Variants in INPP4B observed in about 807,000 individuals in gnomAD.
INPP4B encodes the protein inositol polyphosphate 4-phosphatase type II.
In INPP4B, 55 loss-of-function variants were observed where a neutral mutation model predicts 122.5. That is an observed-to-expected ratio of 0.45 (90% CI 0.36 to 0.56). INPP4B has a LOEUF of 0.56. Ranked by LOEUF, INPP4B falls within the 20% of genes least tolerant of loss-of-function variation. INPP4B has a pLI of 0.00. For synonymous variants in INPP4B, 403 were observed against 388.7 expected, an observed-to-expected ratio of 1.04 and a Z score of -0.43; for missense variants, 1,000 against 1,097.7, an observed-to-expected ratio of 0.91 and a Z score of 1.26.
chr4:142,719,630 TTTC>T (rs1240494122), intron 2 of INPP4B, among the ~76,000 whole-genome samples: 10 of 152,102 alleles, frequency 6.6e-5, no homozygotes, highest in Admixed American at 1.3e-4. Context: ...AGCCTATAAT[TTTC>T]TTATTAATTT....
At chr4:142,587,754 G>A (rs1157548470) in intron 2 of INPP4B, among the ~76,000 whole-genome samples, 1 of 151,912 alleles carries the variant, frequency 6.6e-6, no homozygotes, top group Non-Finnish European at 1.5e-5. Context: ...CCCCTGTTGT[G>A]CTATCAAATA....
At chr4:142,349,080 C>T (rs1375338485) in intron 7 of INPP4B, among the ~76,000 whole-genome samples, 1 of 152,020 alleles carries the variant, frequency 6.6e-6, no homozygotes, top group East Asian at 1.9e-4. Flanking sequence ...GATACTGCTA[C>T]ATAGTCTGTT....
intron 2 of INPP4B, among the ~76,000 whole-genome samples, chr4:142,471,280 T>C (rs1372596739): frequency 1.3e-5 from 2 of 152,202 alleles, no homozygotes; most frequent in Non-Finnish European, 2.9e-5. Context: ...TTCATGTTTC[T>C]ACAGCTATAG....
chr4:142,482,759 A>C (rs1820720595), intron 2 of INPP4B, among the ~76,000 whole-genome samples: 1 of 152,076 alleles, frequency 6.6e-6, no homozygotes, highest in South Asian at 2.1e-4. Flanking sequence ...GACTTGGTCT[A>C]ATTCTCCATT....
At chr4:142,797,346 C>A (rs1777390648) in intron 1 of INPP4B, among the ~76,000 whole-genome samples, 1 of 151,904 alleles carries the variant, frequency 6.6e-6, no homozygotes, top group East Asian at 1.9e-4. Context: ...AACAAGAAAT[C>A]TGCTATATAA....
At chr4:142,240,915 G>T (rs1179341064) in intron 11 of INPP4B, among the ~76,000 whole-genome samples, 5 of 151,986 alleles carry the variant, frequency 3.3e-5, no homozygotes, top group Admixed American at 3.3e-4. Flanking sequence ...GGGAGGTTTT[G>T]TTATCGCACA....
chr4:142,538,743 A>C (rs1410898369), intron 2 of INPP4B, among the ~76,000 whole-genome samples: 1 of 152,206 alleles, frequency 6.6e-6, no homozygotes, highest in East Asian at 1.9e-4. Flanking sequence ...TTCATATTGC[A>C]GGCATGGATG....
chr4:142,695,116 G>A (rs1468629544), intron 2 of INPP4B, among the ~76,000 whole-genome samples: 3 of 151,918 alleles, frequency 2.0e-5, no homozygotes, highest in South Asian at 2.1e-4. Context: ...TTATTCCCAT[G>A]TAGTAAAATT....
chr4:142,651,576 G>C (rs1417043599), intron 2 of INPP4B, among the ~76,000 whole-genome samples: 1 of 152,194 alleles, frequency 6.6e-6, no homozygotes, highest in East Asian at 1.9e-4. Flanking sequence ...ACTACCATCA[G>C]AGAATACTGT....
intron 2 of INPP4B, among the ~76,000 whole-genome samples, chr4:142,572,611 G>C (rs1309666657): frequency 6.6e-6 from 1 of 152,060 alleles, no homozygotes; most frequent in Non-Finnish European, 1.5e-5. Context: ...TAAGGATTTA[G>C]TGATCCGAGA....
intron 2 of INPP4B, among the ~76,000 whole-genome samples, chr4:142,595,341 T>C (rs1330534559): frequency 6.6e-6 from 1 of 152,052 alleles, no homozygotes; most frequent in Non-Finnish European, 1.5e-5. Context: ...ATTCTACAGC[T>C]ACCAATTAAT....
intron 5 of INPP4B, among the ~76,000 whole-genome samples, chr4:142,421,514 T>C (rs1453819623): frequency 1.3e-5 from 2 of 151,468 alleles, no homozygotes; most frequent in Non-Finnish European, 2.9e-5. Context: ...TGTGTTCATT[T>C]AGAATTTTAA....
chr4:142,752,186 T>C (rs923491609), intron 1 of INPP4B, among the ~76,000 whole-genome samples: 1 of 151,998 alleles, frequency 6.6e-6, no homozygotes, highest in African/African-American at 2.4e-5. Context: ...AAGGTGAAGA[T>C]CAGTGAATCA....
At chr4:142,499,371 A>G (rs1179575678) in intron 2 of INPP4B, among the ~76,000 whole-genome samples, 1 of 152,186 alleles carries the variant, frequency 6.6e-6, no homozygotes, top group Non-Finnish European at 1.5e-5. Context: ...TATTGTTAGC[A>G]TATCCCATTT....
At chr4:142,315,435 T>C (rs1159265997) in intron 7 of INPP4B, among the ~76,000 whole-genome samples, 1 of 152,008 alleles carries the variant, frequency 6.6e-6, no homozygotes, top group Admixed American at 6.6e-5. Flanking sequence ...TCCAAAAAGG[T>C]GTTCTAGCTG....
At chr4:142,808,659 C>T (rs1243574055) in intron 1 of INPP4B, among the ~76,000 whole-genome samples, 1 of 152,112 alleles carries the variant, frequency 6.6e-6, no homozygotes, top group African/African-American at 2.4e-5. Flanking sequence ...ACAATGCAAA[C>T]ATAAGTCCCT....
chr4:142,777,201 C>A (rs1387932182), intron 1 of INPP4B, among the ~76,000 whole-genome samples: 1 of 152,102 alleles, frequency 6.6e-6, no homozygotes, highest in African/African-American at 2.4e-5. Context: ...GTGTTAAGAC[C>A]TTGGCAGGAA....
At chr4:142,480,940 C>A (rs1379747995) in intron 2 of INPP4B, among the ~76,000 whole-genome samples, 1 of 151,636 alleles carries the variant, frequency 6.6e-6, no homozygotes, top group South Asian at 2.1e-4. Flanking sequence ...TGAAAATCCT[C>A]ATCAGAAATG....
chr4:142,831,029 GA>G lies in INPP4B; in HGVS notation c.-254+15179del, dbSNP rs1011324415. Among the ~76,000 whole-genome samples the G allele has an allele frequency of 1.8e-3, 255 of 143,158 alleles. 1 individual carries two copies. The highest frequency in any genetic ancestry group is 4.2e-3 in the African/African-American group (165 of 38,824). The allele number at this position is 143,158 out of a possible 152,430, so 93.9% of individuals were successfully genotyped here. On this transcript the variant is annotated intron_variant, in intron 1 of 25. Transcript: ENST00000262992. ...AGAGTGAGACCCTGTCTCAAAAAAG[GA>G]AAAAAAAAAATAGATGCAAGAGTGT...
Sources: gnomAD v4.1 joint callset for allele counts (sites outside exome capture counted in the v4.1 genomes callset) on GRCh38, gnomAD v4.1.1 for gene constraint, MANE v1.5 for transcripts, NCBI Gene and HGNC (gene_info 2026-07-23, HGNC 2026-07-21) for gene names.